The following KALRN variants were observed in gnomAD, a reference collection of about 807,000 sequenced individuals.
KALRN encodes kalirin.
KALRN carries 70 observed loss-of-function variants against 353.7 expected under a neutral mutation model. The ratio of observed to expected loss-of-function variants is 0.20; its 90% CI spans 0.16 to 0.24. The LOEUF (loss-of-function observed/expected upper bound fraction) is 0.24, where lower values mean the gene tolerates loss of function less well. Ranked by LOEUF, KALRN falls within the 10% of genes least tolerant of loss-of-function variation. The pLI is 1.00. For synonymous variants in KALRN, 1,391 were observed against 1,434.8 expected (o/e 0.97, Z 0.69); for missense variants, 2,791 against 3,756.7 (o/e 0.74, Z 6.72).
intron 1 of KALRN, among the ~76,000 whole-genome samples, chr3:124,048,707 C>A (rs2040752369): frequency 6.6e-6 from 1 of 152,134 alleles, no homozygotes; most frequent in Non-Finnish European, 1.5e-5. Context: ...TGGTCTCGAT[C>A]TCCTGATCTC....
At chr3:124,291,335 A>G (rs184080237) in intron 5 of KALRN, among the ~76,000 whole-genome samples, 1 of 152,334 alleles carries the variant, frequency 6.6e-6, no homozygotes, top group Admixed American at 6.5e-5. Flanking sequence ...TTTGCAGTTC[A>G]CTTACAGTTC....
chr3:124,697,663 GC>G lies in KALRN; in HGVS notation c.7776del (p.Ser2593ProfsTer95), dbSNP rs780830121. On this transcript the variant is annotated frameshift_variant, in exon 55 of 60. Coordinates refer to ENST00000682506, the MANE Select transcript of KALRN (RefSeq NM_001388419.1). LOFTEE classifies it high-confidence loss of function. ...GCACCTCCGTGATTCTCCGCTGGCT[GC>G]CCCCCTCCAGCACAGGAAACTGCAC... ...SCTSVILRWL[P>X]PSSTGNCTIS... is the part of the protein sequence containing the mutation. The G allele has an allele frequency of 1.2e-6, 2 of 1,607,684 alleles. No homozygotes were observed. Among genetic ancestry groups the G allele is most frequent in the South Asian group, 1.1e-5 (1 of 89,616 alleles).
chr3:124,317,082 T>C (rs1156806261), intron 6 of KALRN, among the ~76,000 whole-genome samples: 1 of 152,200 alleles, frequency 6.6e-6, no homozygotes, highest in Non-Finnish European at 1.5e-5. Flanking sequence ...AGCTAGGCTA[T>C]TCTGGAAAAT....
At chr3:124,164,713 C>T (rs191971970) in intron 1 of KALRN, 1 of 152,146 alleles carries the variant, frequency 6.6e-6, no homozygotes, top group East Asian at 1.9e-4. Context: ...TTCTTTTTTC[C>T]TATCCCTTTC....
At chr3:124,091,630 G>A (rs968080837) in intron 1 of KALRN, among the ~76,000 whole-genome samples, 4 of 152,142 alleles carry the variant, frequency 2.6e-5, no homozygotes, top group Non-Finnish European at 4.4e-5. Context: ...CTGAACATCC[G>A]GATGGGCATC....
At chr3:124,513,021 C>T (rs762367229) in intron 33 of KALRN, among the ~76,000 whole-genome samples, 7 of 152,018 alleles carry the variant, frequency 4.6e-5, no homozygotes, top group Admixed American at 1.3e-4. Flanking sequence ...CAGGGTGATC[C>T]GCTCTCAGGA....
At chr3:124,293,319 G>A (rs557450282) in intron 5 of KALRN, among the ~76,000 whole-genome samples, 1 of 152,276 alleles carries the variant, frequency 6.6e-6, no homozygotes, top group East Asian at 1.9e-4. Flanking sequence ...TAATAAGGTG[G>A]TTTGAAAGTT....
At position 124,434,313 on chromosome 3, in the gene KALRN, T is replaced by C; in HGVS notation, c.2836T>C (p.Phe946Leu). The C allele has an allele frequency of 6.2e-7, 1 of 1,612,498 alleles. No homozygotes were observed. Among genetic ancestry groups the C allele is most frequent in the Non-Finnish European group, 8.5e-7 (1 of 1,179,932 alleles). Residue 946 changes from phenylalanine to leucine, a missense_variant, in exon 17 of 60, where the codon TTT becomes CTT. By Grantham distance (22) the Phe-to-Leu change is conservative (BLOSUM62 0). Transcript: ENST00000682506. ...EQFQLAIESL[F>L]HATSLQKTHQ... ...CTCCTCTCCTTGTGCCCAGTCCCTC[T>C]TTCATGCCACTTCCTTGCAGAAGAC...
At chr3:124,100,753 A>G (rs1293110096) in intron 1 of KALRN, among the ~76,000 whole-genome samples, 2 of 152,174 alleles carry the variant, frequency 1.3e-5, no homozygotes, top group Non-Finnish European at 1.5e-5. Flanking sequence ...TCACCTCTCA[A>G]TGTATGCTAG....
intron 17 of KALRN, among the ~76,000 whole-genome samples, chr3:124,438,503 C>T (rs979246026): frequency 6.6e-6 from 1 of 151,902 alleles, no homozygotes; most frequent in Non-Finnish European, 1.5e-5. Context: ...TACAGATGGT[C>T]GGATAAGTCA....
Position 124,674,350 on chromosome 3 carries a change from T to G in KALRN, c.6943-14T>G. The G allele has an allele frequency of 1.9e-6, 3 of 1,608,402 alleles. No individual in the cohort carries two copies. Among genetic ancestry groups the G allele is most frequent in the Non-Finnish European group, 2.5e-6 (3 of 1,176,590 alleles). The stretch of plus-strand genomic sequence containing the variant: ...CCTTGTGTTTGTGCCCCTCTCACCC[T>G]TATCTCCCAGCAGAACGACCTGGGA... On this transcript the variant is annotated splice_polypyrimidine_tract_variant and intron_variant, in intron 48 of 59. Transcript: ENST00000682506.
Position 124,255,298 on chromosome 3 carries a change from T to G in KALRN, c.264-9200T>G, listed in dbSNP as rs935513017. 1.2e-4 allele frequency among the ~76,000 whole-genome samples: 18 copies of G among 152,320 alleles called. No individual in the cohort carries two copies. In the East Asian group the frequency reaches 3.5e-3, roughly 29 times the overall value. Reference sequence around the variant, plus strand: ...AATTATTTCTTATAGTTTCAGTCTTTGCTCCTCATGTGGGCTGTCCTAAGA... The same window carrying G: ...AATTATTTCTTATAGTTTCAGTCTTGGCTCCTCATGTGGGCTGTCCTAAGA... On this transcript the variant is annotated intron_variant, in intron 3 of 59. Coordinates refer to ENST00000682506, the MANE Select transcript of KALRN (RefSeq NM_001388419.1).
intron 17 of KALRN, among the ~76,000 whole-genome samples, chr3:124,435,402 C>T (rs1387307175): frequency 6.6e-6 from 1 of 152,196 alleles, no homozygotes; most frequent in African/African-American, 2.4e-5. Flanking sequence ...CAGTGTGTTA[C>T]CCTTTCATCT....
At position 124,646,385 on chromosome 3, in the gene KALRN, T is replaced by C. The variant is rs2082714447; in HGVS notation, c.5665-4423T>C. 2.1e-5 allele frequency among the ~76,000 whole-genome samples: 3 copies of C among 145,130 alleles called. No homozygotes were observed. In the South Asian group the frequency reaches 6.5e-4, roughly 32 times the overall value. ...CTATGTGACTGCTAGAGGGATCTTT[T>C]GTTTACTTTTTTTTTTTTTTTTTGA... On this transcript the variant is annotated intron_variant, in intron 37 of 59. Coordinates refer to ENST00000682506, the MANE Select transcript of KALRN (RefSeq NM_001388419.1).
chr3:124,462,414 C>T (rs535121), intron 24 of KALRN, 110 bp from the exon 25 acceptor site: 94,392 of 642,504 alleles, frequency 0.15, 7,531 homozygotes, highest in African/African-American at 0.2. Flanking sequence ...AAACTCTGCA[C>T]GCATTTACAG....
chr3:124,250,047 A>G (rs2070899035), intron 3 of KALRN, among the ~76,000 whole-genome samples: 1 of 151,924 alleles, frequency 6.6e-6, no homozygotes, highest in African/African-American at 2.4e-5. Context: ...GGTAAAACCC[A>G]GTGGGCATGG....
In KALRN at chr3:124,720,543, G is replaced by A. The variant is rs1057502626; in HGVS notation, c.*1073G>A. On this transcript the variant is annotated 3_prime_UTR_variant, in exon 60 of 60. Coordinates refer to ENST00000682506, the MANE Select transcript of KALRN (RefSeq NM_001388419.1). Reference sequence around the variant, plus strand: ...GAAGCTAAGGGGTGCTTACTAAAAGGAGGCAGCCATATAGGCCTTTTAAAG... The same window carrying A: ...GAAGCTAAGGGGTGCTTACTAAAAGAAGGCAGCCATATAGGCCTTTTAAAG... 6.6e-6 allele frequency: 1 copy of A among 152,606 alleles called. No homozygotes were observed. 9.5% of individuals were successfully genotyped at this position (152,606 alleles called of 1,614,324 possible).
intron 3 of KALRN, among the ~76,000 whole-genome samples, chr3:124,257,976 AT>A (rs2072277304): frequency 6.6e-6 from 1 of 151,318 alleles, no homozygotes; most frequent in Non-Finnish European, 1.5e-5. Flanking sequence ...TAAAAGGTAA[AT>A]CACCTAAAGG....
At chr3:124,434,205 CTT>C (rs1192500975) in intron 16 of KALRN, 100 bp from the exon 17 acceptor site, 2 of 748,430 alleles carry the variant, frequency 2.7e-6, no homozygotes, top group Admixed American at 2.4e-5. Flanking sequence ...ATTTAAAGCT[CTT>C]TAACTTCTCT....
Sources: allele counts gnomAD v4.1 joint callset (sites outside exome capture counted in the v4.1 genomes callset), GRCh38; gene constraint gnomAD v4.1.1; transcripts MANE v1.5; gene names NCBI Gene and HGNC (gene_info 2026-07-23, HGNC 2026-07-21).